Variants in IGF1R observed in about 807,000 individuals in gnomAD.
The protein encoded by IGF1R is insulin like growth factor 1 receptor, also known as insulin-like growth factor 1 receptor.
In IGF1R, 44 loss-of-function variants were observed where a neutral mutation model predicts 144.6. The ratio of observed to expected loss-of-function variants is 0.30; its 90% CI spans 0.24 to 0.39. IGF1R has a LOEUF of 0.39. Ranked by LOEUF, IGF1R falls within the 10% of genes least tolerant of loss-of-function variation. IGF1R has a pLI of 1.00. For missense variants in IGF1R, 1,355 were observed against 1,833.7 expected (o/e 0.74, Z 4.77); for synonymous variants, 795 against 722.8 (o/e 1.10, Z -1.60).
chr15:98,686,727 G>A (rs1327928398), intron 1 of IGF1R, among the ~76,000 whole-genome samples: 1 of 151,304 alleles, frequency 6.6e-6, no homozygotes, highest in East Asian at 1.9e-4. Context: ...CTAGAGTGCA[G>A]TGATGTGAGC....
At chr15:98,780,291 C>A (rs894496501) in intron 2 of IGF1R, among the ~76,000 whole-genome samples, 3 of 151,922 alleles carry the variant, frequency 2.0e-5, no homozygotes, top group Non-Finnish European at 4.4e-5. Flanking sequence ...TGGCTCACAT[C>A]TGTAATCCCA....
At chr15:98,948,978 C>G (rs1344745636) in intron 20 of IGF1R, among the ~76,000 whole-genome samples, 1 of 152,240 alleles carries the variant, frequency 6.6e-6, no homozygotes, top group Non-Finnish European at 1.5e-5. Flanking sequence ...CCAAATGTCT[C>G]TGTGAAATGT....
chr15:98,881,481 C>T (rs1203049330), intron 2 of IGF1R, among the ~76,000 whole-genome samples: 2 of 152,204 alleles, frequency 1.3e-5, no homozygotes, highest in African/African-American at 2.4e-5. Context: ...CACCACCACA[C>T]CTAGCTAATT....
intron 2 of IGF1R, among the ~76,000 whole-genome samples, chr15:98,740,116 C>G (rs1332617673): frequency 6.6e-6 from 1 of 152,204 alleles, no homozygotes; most frequent in Non-Finnish European, 1.5e-5. Context: ...TACTATAATC[C>G]ATTATTTACT....
chr15:98,683,001 A>G (rs1465162728), intron 1 of IGF1R, among the ~76,000 whole-genome samples: 1 of 149,204 alleles, frequency 6.7e-6, no homozygotes, highest in Non-Finnish European at 1.5e-5. Context: ...TGACCTCCCC[A>G]TGTCACAGTG....
intron 1 of IGF1R, among the ~76,000 whole-genome samples, chr15:98,663,943 T>A (rs551654474): frequency 9.4e-4 from 143 of 152,372 alleles, no homozygotes; most frequent in African/African-American, 3.3e-3. Context: ...GGACACATTG[T>A]GGTTCTTGAT....
At chr15:98,924,062 A>G (rs748384980) in intron 12 of IGF1R, 50 bp downstream of exon 12, 2 of 1,558,960 alleles carry the variant, frequency 1.3e-6, no homozygotes. Context: ...ATCCATTGAC[A>G]GCATATGCTA....
Position 98,962,088 on chromosome 15 carries a change from G to C in IGF1R, c.*4646G>C, listed in dbSNP as rs764542630. Reference sequence around the variant, plus strand: ...AGTCCACCTCTGCAGGCTGGCAGCCGAATGGCTTGCCAGTGGCTCTGTGGC... The same window carrying C: ...AGTCCACCTCTGCAGGCTGGCAGCCCAATGGCTTGCCAGTGGCTCTGTGGC... On this transcript the variant is annotated 3_prime_UTR_variant, in exon 21 of 21. Transcript: ENST00000650285. The C allele has an allele frequency of 4.3e-6, 1 of 233,234 alleles. No homozygotes were observed. Among genetic ancestry groups the C allele is most frequent in the African/African-American group, 2.2e-5 (1 of 45,360 alleles). The allele number at this position is 233,234 out of a possible 1,614,324, so 14.4% of individuals were successfully genotyped here.
chr15:98,893,013 A>C (rs927725294), intron 3 of IGF1R, among the ~76,000 whole-genome samples: 1 of 151,960 alleles, frequency 6.6e-6, no homozygotes, highest in Admixed American at 6.6e-5. Flanking sequence ...ACCCTGTCTC[A>C]AAAAAAAGAA....
intron 2 of IGF1R, among the ~76,000 whole-genome samples, chr15:98,717,256 A>G (rs1268304601): frequency 6.6e-6 from 1 of 152,198 alleles, no homozygotes; most frequent in Non-Finnish European, 1.5e-5. Flanking sequence ...TCAGTGAGAC[A>G]GGAATAGGAC....
At chr15:98,881,119 C>T (rs1192140630) in intron 2 of IGF1R, among the ~76,000 whole-genome samples, 1 of 152,174 alleles carries the variant, frequency 6.6e-6, no homozygotes, top group African/African-American at 2.4e-5. Flanking sequence ...GTGTTATCTC[C>T]TTAGCATCAC....
chr15:98,903,284 G>A (rs2014573758), intron 5 of IGF1R, among the ~76,000 whole-genome samples: 1 of 152,260 alleles, frequency 6.6e-6, no homozygotes, highest in African/African-American at 2.4e-5. Context: ...ACATTATTTG[G>A]TGCTACCAAG....
At chr15:98,951,339 C>T (rs928446880) in intron 20 of IGF1R, among the ~76,000 whole-genome samples, 2 of 152,238 alleles carry the variant, frequency 1.3e-5, no homozygotes, top group African/African-American at 2.4e-5. Flanking sequence ...AGGAAACTTC[C>T]CAGCATGGCC....
intron 1 of IGF1R, among the ~76,000 whole-genome samples, chr15:98,659,679 AGTGTGTCTTTT>A (rs1329232158): frequency 6.6e-6 from 1 of 152,192 alleles, no homozygotes; most frequent in Non-Finnish European, 1.5e-5. Context: ...GTTAACACCT[AGTGTGTCTTTT>A]ACAGTTAGAG....
In IGF1R at chr15:98,753,380, C is replaced by CTTTTTTTTTTTTTT. The variant is rs1173073572; in HGVS notation, c.640+45284_640+45297dup. Among the ~76,000 whole-genome samples the CTTTTTTTTTTTTTT allele has an allele frequency of 8.7e-3, 528 of 60,358 alleles. 2 individuals are homozygous for CTTTTTTTTTTTTTT. Among genetic ancestry groups the CTTTTTTTTTTTTTT allele is most frequent in the Non-Finnish European group, 0.01 (345 of 34,100 alleles). The allele number at this position is 60,358 out of a possible 152,430, so 39.6% of individuals were successfully genotyped here. ...CACAAGTATGCACCACCATACCTGG[C>CTTTTTTTTTTTTTT]TTTTTTTTTTTTTTTTTTTTTTTTG... is the stretch of plus-strand genomic sequence containing the variant. On this transcript the variant is annotated intron_variant, in intron 2 of 20. Coordinates refer to ENST00000650285, the MANE Select transcript of IGF1R (RefSeq NM_000875.5).
At position 98,916,031 on chromosome 15, in the gene IGF1R, C is replaced by T. The variant is rs2015227799; in HGVS notation, c.1896C>T (p.Asn632=). ...CTTCTCAGTTAATCGTGAAGTGGAA[C>T]CCTCCCTCTCTGCCCAACGGCAACC... ...NSSSQLIVKW[N]PPSLPNGNLS... The change falls in exon 9 of 21, where the codon AAC becomes AAT. Residue 632 remains asparagine (N), a synonymous_variant. Transcript: ENST00000650285. 3 of 1,614,150 alleles carry T rather than the reference C, an allele frequency of 1.9e-6. No homozygotes were observed. In the South Asian group the frequency reaches 3.3e-5, roughly 18 times the overall value.
intron 2 of IGF1R, among the ~76,000 whole-genome samples, chr15:98,794,468 C>T (rs952723208): frequency 6.6e-6 from 1 of 152,120 alleles, no homozygotes; most frequent in African/African-American, 2.4e-5. Flanking sequence ...AGGAAAACTG[C>T]GCCTTCCATG....
chr15:98,816,884 GC>G (rs2056705895), intron 2 of IGF1R, among the ~76,000 whole-genome samples: 1 of 152,178 alleles, frequency 6.6e-6, no homozygotes, highest in Admixed American at 6.5e-5. Flanking sequence ...TCAGAGAATG[GC>G]TATAAATGCC....
chr15:98,957,695 GACAACACTTAATA>G lies in IGF1R; in HGVS notation c.*254_*266del. 3.5e-6 allele frequency: 2 copies of G among 575,862 alleles called. No individual in the cohort carries two copies. Among genetic ancestry groups the G allele is most frequent in the Non-Finnish European group, 6.2e-6 (2 of 322,170 alleles). The allele number at this position is 575,862 out of a possible 1,614,324, so 35.7% of individuals were successfully genotyped here. On this transcript the variant is annotated 3_prime_UTR_variant, in exon 21 of 21. Transcript: ENST00000650285. ...GACATGGGCCTTTAAGAACCTTAAT[GACAACACTTAATA>G]GCAACAGAGCACTTGAGAACCAGTC...
Sources: gnomAD v4.1 joint callset for allele counts (sites outside exome capture counted in the v4.1 genomes callset) on GRCh38, gnomAD v4.1.1 for gene constraint, MANE v1.5 for transcripts, NCBI Gene and HGNC (gene_info 2026-07-23, HGNC 2026-07-21) for gene names.